Variants in PGM3 observed in about 807,000 individuals in gnomAD.
PGM3 encodes phosphoglucomutase 3.
In PGM3, 40 loss-of-function variants were observed where a neutral mutation model predicts 66.2. That is an observed-to-expected ratio of 0.60 (90% CI 0.47 to 0.79). The LOEUF is 0.79. Ranked by LOEUF, PGM3 falls within the 30% of genes least tolerant of loss-of-function variation. The pLI is 0.00. For missense variants in PGM3, 537 were observed against 643.4 expected (o/e 0.83, Z 1.79); for synonymous variants, 191 against 224.2 (o/e 0.85, Z 1.32).
chr6:83,151,704 C>T, the PGM3 span: 1 of 1,547,926 alleles, frequency 6.5e-7, no homozygotes, highest in Non-Finnish European at 8.7e-7. Context: ...TCTCAGTGCC[C>T]TCAATTTGAA....
At chr6:83,172,179 G>C (rs1787271021) in intron 10 of PGM3, 120 bp from the exon 11 acceptor site, 2 of 962,754 alleles carry the variant, frequency 2.1e-6, no homozygotes, top group South Asian at 3.2e-5. Context: ...GAAACATGCT[G>C]AGTGCCAAAA....
chr6:83,173,395 C>CCAT (rs1177958961), intron 10 of PGM3, among the ~76,000 whole-genome samples: 5 of 152,122 alleles, frequency 3.3e-5, no homozygotes, highest in African/African-American at 9.7e-5. Flanking sequence ...GCCTAACATT[C>CCAT]CATCACTCAT....
At chr6:83,164,415 C>G (rs1384542363), downstream of PGM3, among the ~76,000 whole-genome samples, 1 of 151,628 alleles carries the variant, frequency 6.6e-6, no homozygotes, top group Non-Finnish European at 1.5e-5. Context: ...CAAATATGAC[C>G]CCAGGCACAT....
chr6:83,188,895 G>A, intron 2 of PGM3, 97 bp from the exon 3 acceptor site: 1 of 921,630 alleles, frequency 1.1e-6, no homozygotes. Flanking sequence ...CAAAGACAGT[G>A]ATGGCTGAGC....
Position 83,182,891 on chromosome 6 carries a change from C to G in PGM3, c.545G>C (p.Gly182Ala). The change falls in exon 5 of 13, where the codon GGT becomes GCT. Residue 182 changes from glycine to alanine, a missense_variant. By Grantham distance (60) the Gly-to-Ala change is moderately conservative. Transcript: ENST00000513973. ...AGCCTTAGAGAGTTTCTGGTAGTAA[C>G]CTTCTATAGTTGCCTTTCCATATCG... ...GGRYGKATIEGYYQKLSKAFV... is the reference protein window; with the variant it reads ...GGRYGKATIEAYYQKLSKAFV... The G allele has an allele frequency of 6.2e-7, 1 of 1,614,012 alleles. No homozygotes were observed. Among genetic ancestry groups the G allele is most frequent in the East Asian group, 2.2e-5 (1 of 44,860 alleles).
the PGM3 span, chr6:83,148,960 C>G: frequency 3.0e-6 from 2 of 672,380 alleles, no homozygotes; most frequent in Non-Finnish European, 4.6e-6. Context: ...TGACAGTGAT[C>G]TCTCTACCTT....
intron 6 of PGM3, among the ~76,000 whole-genome samples, chr6:83,181,528 T>C (rs1392736797): frequency 1.3e-5 from 2 of 152,130 alleles, no homozygotes; most frequent in African/African-American, 4.8e-5. Flanking sequence ...TGATTTCCTG[T>C]AGACTATGAG....
chr6:83,184,155 A>T (rs1242612451), intron 4 of PGM3, among the ~76,000 whole-genome samples: 1 of 152,224 alleles, frequency 6.6e-6, no homozygotes, highest in African/African-American at 2.4e-5. Flanking sequence ...AAGAAAGAAA[A>T]CCAGCTTACA....
chr6:83,186,216 T>C (rs918254423), intron 4 of PGM3, among the ~76,000 whole-genome samples: 4 of 152,100 alleles, frequency 2.6e-5, no homozygotes, highest in Non-Finnish European at 4.4e-5. Flanking sequence ...CCACCAGATT[T>C]GGCAATAACA....
At chr6:83,178,504 A>T (rs1326657855) in intron 8 of PGM3, among the ~76,000 whole-genome samples, 169 bp downstream of exon 8, 1 of 152,226 alleles carries the variant, frequency 6.6e-6, no homozygotes, top group Non-Finnish European at 1.5e-5. Context: ...GTTTTCCTTT[A>T]TTCATCAAGG....
intron 2 of PGM3, among the ~76,000 whole-genome samples, chr6:83,189,367 A>G (rs1788871292): frequency 6.6e-6 from 1 of 152,244 alleles, no homozygotes; most frequent in Non-Finnish European, 1.5e-5. Context: ...AAGAAAGTGT[A>G]GTTCACAGTG....
downstream of PGM3, chr6:83,164,574 T>C (rs1784992751): frequency 7.7e-7 from 1 of 1,306,528 alleles, no homozygotes; most frequent in Non-Finnish European, 1.1e-6. Context: ...CATCTTCCCA[T>C]CCAAATCACC....
chr6:83,174,164 C>T (rs1417877796), intron 10 of PGM3, among the ~76,000 whole-genome samples: 4 of 152,276 alleles, frequency 2.6e-5, no homozygotes, highest in African/African-American at 9.6e-5. Context: ...TTGAAAATTT[C>T]CATCATAAGA....
chr6:83,165,362 TG>T lies in PGM3; in HGVS notation c.*3871del, dbSNP rs1785219714. 1 of 152,454 alleles carries T rather than the reference TG, an allele frequency of 6.6e-6. No homozygotes were observed. Among genetic ancestry groups the T allele is most frequent in the African/African-American group, 2.4e-5 (1 of 41,460 alleles). 9.4% of individuals were successfully genotyped at this position (152,454 alleles called of 1,614,324 possible). Reference sequence around the variant, plus strand: ...TTTTTGGTTTGTTTTTGACCAGAGATGATGAAGTAGGTGATCTTTTCTTGGT... The same window carrying T: ...TTTTTGGTTTGTTTTTGACCAGAGATATGAAGTAGGTGATCTTTTCTTGGT... On this transcript the variant is annotated 3_prime_UTR_variant, in exon 13 of 13. Transcript: ENST00000513973.
intron 6 of PGM3, among the ~76,000 whole-genome samples, chr6:83,180,218 C>T (rs1189836987): frequency 6.6e-6 from 1 of 152,018 alleles, no homozygotes; most frequent in African/African-American, 2.4e-5. Context: ...ACTTTATAAG[C>T]AGGTTGGTTT....
chr6:83,176,837 T>A (rs1787808180), intron 8 of PGM3, among the ~76,000 whole-genome samples: 1 of 152,224 alleles, frequency 6.6e-6, no homozygotes, highest in South Asian at 2.1e-4. Context: ...TTATTTTATC[T>A]GTAATAAATT....
Position 83,169,172 on chromosome 6 carries a change from T to C in PGM3, c.*62A>G, listed in dbSNP as rs1335659019. The C allele has an allele frequency of 2.5e-6, 4 of 1,595,412 alleles. No individual in the cohort carries two copies. The Admixed American group carries it at 5.1e-5, about 20-fold the overall frequency. On this transcript the variant is annotated 3_prime_UTR_variant, in exon 13 of 13. Coordinates refer to ENST00000513973, the MANE Select transcript of PGM3 (RefSeq NM_015599.3). ...TATAAATCTCTTAGTACTGCCATTA[T>C]TATTGACAGTTTTGTAAAGACTTGT...
the PGM3 span, chr6:83,154,010 G>A: frequency 1.2e-6 from 2 of 1,614,036 alleles, no homozygotes; most frequent in South Asian, 2.2e-5. Context: ...ATGGATCCCA[G>A]TTTCTTTCAG....
At chr6:83,162,055 A>G (rs562415168), downstream of PGM3, among the ~76,000 whole-genome samples, 5 of 152,188 alleles carry the variant, frequency 3.3e-5, no homozygotes, top group East Asian at 7.7e-4. Flanking sequence ...TCCTACATGT[A>G]TAATTAAAAC....
Sources: gnomAD v4.1 joint callset for allele counts (sites outside exome capture counted in the v4.1 genomes callset) on GRCh38, gnomAD v4.1.1 for gene constraint, MANE v1.5 for transcripts, NCBI Gene and HGNC (gene_info 2026-07-23, HGNC 2026-07-21) for gene names.